The following SLC35D4 variants were observed in gnomAD, a reference collection of about 807,000 sequenced individuals.
The protein encoded by SLC35D4 is UDP-N-acetylglucosamine transporter SLC35D4.
chr18:23,401,940 C>T, the SLC35D4 span, among the ~76,000 whole-genome samples: 4 of 152,194 alleles, frequency 2.6e-5, no homozygotes, highest in African/African-American at 7.2e-5. Flanking sequence ...TAGGACCAAA[C>T]AGACTTGTGG....
chr18:23,239,458 G>A, the SLC35D4 span, among the ~76,000 whole-genome samples: 3 of 152,206 alleles, frequency 2.0e-5, no homozygotes, highest in African/African-American at 7.2e-5. Flanking sequence ...TTGACAGTGT[G>A]TTGTGTATTA....
the SLC35D4 span, among the ~76,000 whole-genome samples, chr18:23,326,019 T>A: frequency 6.6e-5 from 10 of 152,284 alleles, no homozygotes; most frequent in Admixed American, 3.3e-4. Context: ...AGTAACTCGG[T>A]TTATTCATCT....
the SLC35D4 span, among the ~76,000 whole-genome samples, chr18:23,245,629 C>G: frequency 0.048 from 7,265 of 152,240 alleles, 579 homozygotes; most frequent in Admixed American, 0.21. Flanking sequence ...TTGTCTACTC[C>G]CACTCTAGCC....
the SLC35D4 span, among the ~76,000 whole-genome samples, chr18:23,414,856 T>C: frequency 2.0e-5 from 3 of 152,142 alleles, no homozygotes; most frequent in Admixed American, 2.0e-4. Context: ...GGCTCATGCC[T>C]GTAATCCCAG....
the SLC35D4 span, among the ~76,000 whole-genome samples, chr18:23,289,561 A>C: frequency 1.3e-5 from 2 of 152,100 alleles, no homozygotes; most frequent in Non-Finnish European, 2.9e-5. Flanking sequence ...ATTGCCCATT[A>C]TCTCTCCATA....
chr18:23,297,917 A>C, the SLC35D4 span: 1 of 1,482,902 alleles, frequency 6.7e-7, no homozygotes, highest in East Asian at 2.3e-5. Context: ...TGACACATCC[A>C]ACAGGGAGCT....
At chr18:23,349,523 C>T in the SLC35D4 span, among the ~76,000 whole-genome samples, 7 of 152,212 alleles carry the variant, frequency 4.6e-5, no homozygotes, top group East Asian at 5.8e-4. Context: ...CCCAGCTACT[C>T]GGGAGGCTAA....
the SLC35D4 span, among the ~76,000 whole-genome samples, chr18:23,286,269 A>G: frequency 1.3e-5 from 2 of 152,176 alleles, no homozygotes; most frequent in Non-Finnish European, 2.9e-5. Flanking sequence ...CCTAAACCGC[A>G]GTGGCCAGGC....
chr18:23,314,982 C>A, the SLC35D4 span, among the ~76,000 whole-genome samples: 1 of 152,166 alleles, frequency 6.6e-6, no homozygotes, highest in Non-Finnish European at 1.5e-5. Context: ...TCATTTCAAT[C>A]CTGAGACAAA....
the SLC35D4 span, among the ~76,000 whole-genome samples, chr18:23,435,692 A>T: frequency 6.6e-6 from 1 of 152,192 alleles, no homozygotes; most frequent in Admixed American, 6.5e-5. Flanking sequence ...CCTTACAAAC[A>T]TCATTTCTTT....
At chr18:23,402,632 G>A in the SLC35D4 span, among the ~76,000 whole-genome samples, 1 of 151,782 alleles carries the variant, frequency 6.6e-6, no homozygotes, top group East Asian at 1.9e-4. Context: ...CAGCAAGCCT[G>A]TCTCTACAAA....
At chr18:23,386,500 A>T in the SLC35D4 span, among the ~76,000 whole-genome samples, 1 of 152,120 alleles carries the variant, frequency 6.6e-6, no homozygotes, top group Non-Finnish European at 1.5e-5. Flanking sequence ...TTGATTTCAA[A>T]CTTCTGGCCT....
the SLC35D4 span, among the ~76,000 whole-genome samples, chr18:23,256,226 G>GC: frequency 1.3e-5 from 2 of 152,230 alleles, no homozygotes; most frequent in Non-Finnish European, 2.9e-5. Context: ...CAAACATGAG[G>GC]CCCTCCCTGT....
the SLC35D4 span, chr18:23,356,507 G>T: frequency 7.2e-7 from 1 of 1,382,616 alleles, no homozygotes; most frequent in South Asian, 1.2e-5. This position sits in a 1 kb window ranked among gnomAD's most constrained non-coding sequence, Gnocchi z 4.1. Flanking sequence ...CACTCACTCA[G>T]GTCACTAGCA....
chr18:23,430,650 A>ACT, the SLC35D4 span: 1 of 1,612,748 alleles, frequency 6.2e-7, no homozygotes, highest in Non-Finnish European at 8.5e-7. Flanking sequence ...AATGTAGGGT[A>ACT]GGTAAATTTC....
the SLC35D4 span, among the ~76,000 whole-genome samples, chr18:23,339,696 G>A: frequency 1.3e-5 from 2 of 152,210 alleles, no homozygotes; most frequent in East Asian, 3.8e-4. Context: ...CTGGAGGCTG[G>A]TAAGGCCAAG....
the SLC35D4 span, among the ~76,000 whole-genome samples, chr18:23,370,510 G>T: frequency 6.6e-6 from 1 of 152,178 alleles, no homozygotes; most frequent in African/African-American, 2.4e-5. Context: ...AGAGTGCTGG[G>T]CATGGAAAGC....
chr18:23,340,868 A>G, the SLC35D4 span, among the ~76,000 whole-genome samples: 1 of 152,024 alleles, frequency 6.6e-6, no homozygotes, highest in Non-Finnish European at 1.5e-5. Context: ...ACTCACTCTG[A>G]CCTCCGCTGC....
At chr18:23,328,688 G>T in the SLC35D4 span, among the ~76,000 whole-genome samples, 3 of 152,054 alleles carry the variant, frequency 2.0e-5, no homozygotes, top group Admixed American at 2.0e-4. Flanking sequence ...TTTCTTCACA[G>T]AATTGGAAAA....
Sources: gnomAD v4.1 joint callset for allele counts (sites outside exome capture counted in the v4.1 genomes callset) on GRCh38, gnomAD v4.1.1 for gene constraint, Gnocchi (gnomAD v3.1) non-coding constraint, MANE v1.5 for transcripts, NCBI Gene and HGNC (gene_info 2026-07-23, HGNC 2026-07-21) for gene names.